KLF8: variants seen among roughly 807,000 people sequenced by gnomAD.
KLF8 encodes KLF transcription factor 8.
In KLF8, 10 loss-of-function variants were observed where a neutral mutation model predicts 18.2. The ratio of observed to expected loss-of-function variants is 0.55; its 90% CI spans 0.34 to 0.93. The LOEUF is 0.93. Among genes scored for constraint, KLF8 ranks in the 40% least tolerant of loss-of-function variants. KLF8 has a pLI of 0.02. For missense variants in KLF8, 264 were observed against 277.9 expected, an observed-to-expected ratio of 0.95 and a Z score of 0.36; for synonymous variants, 109 against 97.3, an observed-to-expected ratio of 1.12 and a Z score of -0.71.
At chrX:56,267,015 CA>C (rs1474044314) in intron 3 of KLF8, 2 of 750,604 alleles carry the variant, frequency 2.7e-6, no homozygotes, top group Non-Finnish European at 1.6e-6. Context: ...ACAAACAAAC[CA>C]AAAAAAGGAA....
At chrX:56,171,866 A>G in the KLF8 span, among the ~76,000 whole-genome samples, 1 of 111,777 alleles carries the variant, frequency 8.9e-6, no homozygotes, top group Non-Finnish European at 1.9e-5. Context: ...AGCATGATGT[A>G]TAATCCTTTG....
At chrX:56,162,457 C>T in the KLF8 span, among the ~76,000 whole-genome samples, 117 of 111,981 alleles carry the variant, frequency 1.0e-3, no homozygotes, top group African/African-American at 3.6e-3. Flanking sequence ...CCTACTCAAG[C>T]CTCGGCAATG....
chrX:56,061,986 C>CTTTTTTTTTTTTTTTTTTTTTTTT, the KLF8 span, among the ~76,000 whole-genome samples: 40 of 57,119 alleles, frequency 7.0e-4, 1 homozygote, highest in African/African-American at 2.1e-3. Flanking sequence ...GCAACCCCTG[C>CTTTTTTTTTTTTTTTTTTTTTTTT]TTTTTTTTTT....
At chrX:56,211,883 G>A in the KLF8 span, among the ~76,000 whole-genome samples, 5 of 110,292 alleles carry the variant, frequency 4.5e-5, no homozygotes, top group African/African-American at 6.6e-5. Context: ...AGCAGAAGGA[G>A]TTTTGCCCTG....
chrX:56,185,129 A>C, the KLF8 span, among the ~76,000 whole-genome samples: 1 of 112,296 alleles, frequency 8.9e-6, no homozygotes, highest in African/African-American at 3.2e-5. Flanking sequence ...ACTTTGAAAA[A>C]AATTTAGACG....
the KLF8 span, among the ~76,000 whole-genome samples, chrX:56,102,264 A>T: frequency 7.2e-5 from 8 of 111,118 alleles, no homozygotes; most frequent in Non-Finnish European, 1.3e-4. Context: ...GGTTGTAGGC[A>T]TGTGGCTTTA....
chrX:56,160,244 G>T, the KLF8 span, among the ~76,000 whole-genome samples: 3 of 111,944 alleles, frequency 2.7e-5, no homozygotes, highest in Non-Finnish European at 5.6e-5. Context: ...TTGCACTGTG[G>T]TCTGAGAGAC....
At chrX:55,946,828 A>T in the KLF8 span, among the ~76,000 whole-genome samples, 1 of 111,746 alleles carries the variant, frequency 8.9e-6, no homozygotes, top group African/African-American at 3.3e-5. Flanking sequence ...TGGGCAAAGG[A>T]CATGAACAGA....
At chrX:55,941,447 G>A in the KLF8 span, among the ~76,000 whole-genome samples, 1 of 111,300 alleles carries the variant, frequency 9.0e-6, no homozygotes, top group African/African-American at 3.3e-5. Flanking sequence ...TACCATTCAG[G>A]TCATAGGCAT....
At chrX:56,016,194 C>G in the KLF8 span, among the ~76,000 whole-genome samples, 5 of 111,552 alleles carry the variant, frequency 4.5e-5, no homozygotes, top group African/African-American at 1.6e-4. Flanking sequence ...CAATATAATG[C>G]TGGCACAACG....
At chrX:55,960,894 A>T in the KLF8 span, among the ~76,000 whole-genome samples, 1 of 111,630 alleles carries the variant, frequency 9.0e-6, no homozygotes. Flanking sequence ...ACAGAGTATC[A>T]AGCCGGATAA....
intron 5 of KLF8, among the ~76,000 whole-genome samples, chrX:56,279,221 T>C (rs1174723689): frequency 9.0e-5 from 10 of 111,699 alleles, no homozygotes; most frequent in African/African-American, 2.6e-4. Flanking sequence ...AGGTCCTTTT[T>C]TGTGTAGATA....
the KLF8 span, among the ~76,000 whole-genome samples, chrX:56,144,648 G>A: frequency 9.6e-6 from 1 of 104,416 alleles, no homozygotes; most frequent in Non-Finnish European, 2.0e-5. Context: ...AGCTACTCAC[G>A]AGGCTGAGGC....
the KLF8 span, among the ~76,000 whole-genome samples, chrX:56,025,699 G>A: frequency 2.7e-5 from 3 of 111,490 alleles, no homozygotes; most frequent in African/African-American, 9.8e-5. Flanking sequence ...ACCTAGAAAA[G>A]GGCCAGTCCT....
chrX:56,153,470 G>A, the KLF8 span, among the ~76,000 whole-genome samples: 1 of 111,642 alleles, frequency 9.0e-6, no homozygotes, highest in Non-Finnish European at 1.9e-5. Flanking sequence ...GTAACAATCT[G>A]TTGTTTTGGC....
chrX:56,190,161 A>G, the KLF8 span, among the ~76,000 whole-genome samples: 1 of 111,761 alleles, frequency 8.9e-6, no homozygotes, highest in South Asian at 3.7e-4. Flanking sequence ...CATTGGAAAC[A>G]TAAATAAGCC....
chrX:55,920,421 A>G, the KLF8 span, among the ~76,000 whole-genome samples: 1 of 111,842 alleles, frequency 8.9e-6, no homozygotes, highest in Non-Finnish European at 1.9e-5. Context: ...AACCATGACG[A>G]AATCTTTGAA....
the KLF8 span, among the ~76,000 whole-genome samples, chrX:55,937,903 G>A: frequency 8.9e-6 from 1 of 112,146 alleles, no homozygotes; most frequent in Non-Finnish European, 1.9e-5. Context: ...TCTGACTGGT[G>A]TACCTGAAAG....
chrX:55,965,982 A>G, the KLF8 span, among the ~76,000 whole-genome samples: 13 of 112,253 alleles, frequency 1.2e-4, no homozygotes, highest in African/African-American at 1.9e-4. Context: ...TTAAGTGAAT[A>G]TCAATGTTAG....
Sources: allele counts gnomAD v4.1 joint callset (sites outside exome capture counted in the v4.1 genomes callset), GRCh38; gene constraint gnomAD v4.1.1; transcripts MANE v1.5; gene names NCBI Gene and HGNC (gene_info 2026-07-23, HGNC 2026-07-21).